KIAA1217: variants seen among roughly 807,000 people sequenced by gnomAD.
KIAA1217 encodes the protein KIAA1217.
KIAA1217 carries 88 observed loss-of-function variants against 163.9 expected under a neutral mutation model. The ratio of observed to expected loss-of-function variants is 0.54; its 90% CI spans 0.45 to 0.64. The LOEUF is 0.64. Among genes scored for constraint, KIAA1217 ranks in the 30% least tolerant of loss-of-function variants. The pLI is 0.00. For synonymous variants in KIAA1217, 903 were observed against 923.1 expected, an observed-to-expected ratio of 0.98 and a Z score of 0.39; for missense variants, 2,372 against 2,475.0, an observed-to-expected ratio of 0.96 and a Z score of 0.88.
chr10:24,388,776 A>G (rs927872519), intron 3 of KIAA1217, among the ~76,000 whole-genome samples: 13 of 152,070 alleles, frequency 8.5e-5, no homozygotes, highest in South Asian at 4.1e-4. Flanking sequence ...AAAAGAAGAC[A>G]TTTATGCATC....
intron 1 of KIAA1217, among the ~76,000 whole-genome samples, chr10:24,211,590 G>T (rs201098382): frequency 0.64 from 82,459 of 128,368 alleles, 24,875 homozygotes; most frequent in East Asian, 0.72. Context: ...GTATTGTATT[G>T]TATTTTATTT....
intron 2 of KIAA1217, among the ~76,000 whole-genome samples, chr10:24,018,172 CA>C (rs1589240528): frequency 6.6e-6 from 1 of 152,004 alleles, no homozygotes; most frequent in East Asian, 1.9e-4. Context: ...TGCTCCCAAA[CA>C]AAAAGTCACC....
chr10:24,038,301 C>T (rs1223538343), intron 2 of KIAA1217, among the ~76,000 whole-genome samples: 1 of 152,196 alleles, frequency 6.6e-6, no homozygotes, highest in Non-Finnish European at 1.5e-5. Flanking sequence ...CTTCAATGCG[C>T]TTTAAAATAT....
chr10:24,520,390 CT>C (rs2070913823), intron 11 of KIAA1217, 137 bp downstream of exon 11: 9 of 1,190,120 alleles, frequency 7.6e-6, no homozygotes, highest in African/African-American at 3.1e-5. Context: ...GTTCTGGACA[CT>C]TGGGATACCC....
intron 3 of KIAA1217, among the ~76,000 whole-genome samples, chr10:24,432,063 T>G (rs1404738440): frequency 6.6e-6 from 1 of 150,758 alleles, no homozygotes; most frequent in East Asian, 2.0e-4. Context: ...TGAAAAAAAA[T>G]CACTCTATGA....
intron 1 of KIAA1217, among the ~76,000 whole-genome samples, chr10:23,720,189 C>T (rs774316910): frequency 1.3e-5 from 2 of 151,506 alleles, no homozygotes; most frequent in Non-Finnish European, 2.9e-5. Context: ...ACGTGGTTTC[C>T]ACCTCAATAA....
chr10:24,422,075 G>C (rs2058776462), intron 3 of KIAA1217, among the ~76,000 whole-genome samples: 1 of 152,132 alleles, frequency 6.6e-6, no homozygotes, highest in Non-Finnish European at 1.5e-5. Flanking sequence ...ATCTTACATG[G>C]TGGCAGGCAA....
intron 2 of KIAA1217, among the ~76,000 whole-genome samples, chr10:24,152,198 T>C (rs1458573175): frequency 1.3e-5 from 2 of 152,206 alleles, no homozygotes; most frequent in East Asian, 1.9e-4. Context: ...GCAGCGAGCA[T>C]ATGATTTTTT....
Position 24,209,187 on chromosome 10 carries a change from A to C in KIAA1217, c.-7A>C. 1 of 1,613,232 alleles carries C rather than the reference A, an allele frequency of 6.2e-7. No homozygotes were observed. Among genetic ancestry groups the C allele is most frequent in the Admixed American group, 1.7e-5 (1 of 60,002 alleles). ...AGAGCGAGGAGCTTTTGCGGCAGGC[A>C]GAGACAATGGAAGAAAATGAAAGCC... On this transcript the variant is annotated 5_prime_UTR_variant, in exon 1 of 21. Transcript: ENST00000376454.
At chr10:24,079,078 C>A (rs1020451183) in intron 2 of KIAA1217, among the ~76,000 whole-genome samples, 1 of 152,226 alleles carries the variant, frequency 6.6e-6, no homozygotes. Flanking sequence ...AGAGCAGGAC[C>A]TTTCAAACCT....
intron 2 of KIAA1217, among the ~76,000 whole-genome samples, chr10:24,171,438 TA>T (rs2131915143): frequency 6.6e-6 from 1 of 152,376 alleles, no homozygotes; most frequent in East Asian, 1.9e-4. Flanking sequence ...CGTAAAATTT[TA>T]AAAATTGAAA....
intron 1 of KIAA1217, among the ~76,000 whole-genome samples, chr10:23,773,051 C>G (rs945389210): frequency 2.0e-5 from 3 of 151,888 alleles, no homozygotes; most frequent in African/African-American, 7.3e-5. Context: ...TTTTTGGAAC[C>G]CCTGATGGAT....
chr10:24,500,844 A>G (rs1482713723), intron 8 of KIAA1217, among the ~76,000 whole-genome samples: 2 of 152,184 alleles, frequency 1.3e-5, no homozygotes, highest in East Asian at 3.9e-4. Context: ...GCTCTTAGGG[A>G]GGCAGAGGCA....
Position 24,085,009 on chromosome 10 carries a change from G to A in KIAA1217, c.-171+77635G>A, listed in dbSNP as rs574832804. ...GCTCACTGCAAGCTCTGCCTCCCGG[G>A]TTCACGCCATTCTCCTGCCTCAGCC... On this transcript the variant is annotated intron_variant, in intron 2 of 18. Transcript: ENST00000376462. 6.0e-5 allele frequency among the ~76,000 whole-genome samples: 9 copies of A among 151,188 alleles called. No individual in the cohort carries two copies. In the East Asian group the frequency reaches 1.8e-3, roughly 29 times the overall value.
In KIAA1217 at chr10:23,881,097, T is replaced by TA. The variant is rs558408191; in HGVS notation, c.-320-126115dup. ...AGGAGCACTGGAGGTCTGGAGTAGA[T>TA]AAAAAAAAAAAAATGCTGAAGCCAT... On this transcript the variant is annotated intron_variant, in intron 1 of 18. Coordinates refer to the KIAA1217 transcript ENST00000376462. Among the ~76,000 whole-genome samples the TA allele has an allele frequency of 3.3e-3, 470 of 141,288 alleles. 3 individuals are homozygous for TA. Among genetic ancestry groups the TA allele is most frequent in the Non-Finnish European group, 5.1e-3 (330 of 64,420 alleles). The allele number at this position is 141,288 out of a possible 152,430, so 92.7% of individuals were successfully genotyped here.
intron 2 of KIAA1217, among the ~76,000 whole-genome samples, chr10:24,175,109 A>C (rs1374383150): frequency 6.6e-6 from 1 of 151,756 alleles, no homozygotes; most frequent in Non-Finnish European, 1.5e-5. Flanking sequence ...TGATTTGCCC[A>C]CCTTGGCCTC....
At chr10:23,929,648 C>CT (rs34396452) in intron 1 of KIAA1217, among the ~76,000 whole-genome samples, 10 of 152,088 alleles carry the variant, frequency 6.6e-5, no homozygotes, top group South Asian at 2.1e-4. Flanking sequence ...TGATTTCATT[C>CT]TTTTTTTTGT....
intron 1 of KIAA1217, among the ~76,000 whole-genome samples, chr10:23,836,064 T>C (rs769176319): frequency 6.6e-6 from 1 of 152,168 alleles, no homozygotes; most frequent in Non-Finnish European, 1.5e-5. Flanking sequence ...TGTATTTCTA[T>C]TATTCTTGGA....
chr10:24,413,581 A>AC (rs2057991220), intron 3 of KIAA1217, among the ~76,000 whole-genome samples: 1 of 152,148 alleles, frequency 6.6e-6, no homozygotes, highest in Non-Finnish European at 1.5e-5. Context: ...AAGGGCCTCC[A>AC]CCATGTGATC....
Sources: allele counts gnomAD v4.1 joint callset (sites outside exome capture counted in the v4.1 genomes callset), GRCh38; gene constraint gnomAD v4.1.1; transcripts MANE v1.5; gene names NCBI Gene and HGNC (gene_info 2026-07-23, HGNC 2026-07-21).